GGNBP2: variants seen among roughly 807,000 people sequenced by gnomAD.
GGNBP2 encodes gametogenetin binding protein 2.
A neutral mutation model predicts 85.9 loss-of-function variants in GGNBP2; 10 were observed. That is an observed-to-expected ratio of 0.12 (90% CI 0.07 to 0.20). The LOEUF is 0.20. GGNBP2 is among the 10% of genes least tolerant of loss of function. The pLI is 1.00. For synonymous variants in GGNBP2, 287 were observed against 285.7 expected, an observed-to-expected ratio of 1.00 and a Z score of -0.05; for missense variants, 595 against 857.8, an observed-to-expected ratio of 0.69 and a Z score of 3.83.
intron 9 of GGNBP2, 45 bp downstream of exon 9, chr17:36,581,583 G>C (rs752925804): frequency 2.1e-6 from 3 of 1,412,428 alleles, no homozygotes; most frequent in Non-Finnish European, 2.9e-6. Flanking sequence ...TGTATTGCTT[G>C]TAGATAGAAG....
chr17:36,577,140 T>C (rs2074599381), intron 6 of GGNBP2: 1 of 152,176 alleles, frequency 6.6e-6, no homozygotes, highest in Admixed American at 6.5e-5. Flanking sequence ...TTCTTAGCCA[T>C]TTACTCTTAT....
intron 6 of GGNBP2, among the ~76,000 whole-genome samples, chr17:36,575,644 A>ATTTTTT (rs1195389811): frequency 1.5e-4 from 8 of 52,488 alleles, no homozygotes; most frequent in East Asian, 1.4e-3. Flanking sequence ...ATATATATAT[A>ATTTTTT]TATATTTTTT....
chr17:36,574,756 G>A (rs1310771332), intron 6 of GGNBP2: 1 of 629,722 alleles, frequency 1.6e-6, no homozygotes, highest in African/African-American at 1.8e-5. Flanking sequence ...GCGTAGGGAT[G>A]AGGCGCACCA....
intron 13 of GGNBP2, among the ~76,000 whole-genome samples, chr17:36,588,281 G>A (rs2074722812): frequency 6.6e-6 from 1 of 152,008 alleles, no homozygotes; most frequent in Admixed American, 6.6e-5. Context: ...TTTTTGAGGT[G>A]GAGTTTTGCT....
intron 9 of GGNBP2, 41 bp from the exon 10 acceptor site, chr17:36,585,259 G>A: frequency 6.4e-7 from 1 of 1,557,902 alleles, no homozygotes. Context: ...AGCTGTTATG[G>A]AGTAAAGCTC....
At chr17:36,545,193 A>C (rs2074237041) in intron 1 of GGNBP2, 96 bp downstream of exon 1, 1 of 153,630 alleles carries the variant, frequency 6.5e-6, no homozygotes, top group Non-Finnish European at 1.4e-5. Flanking sequence ...GGGCAACTGC[A>C]GTCCTGGGGC....
At chr17:36,589,136 T>C in intron 13 of GGNBP2, 72 bp from the exon 14 acceptor site, 1 of 1,064,288 alleles carries the variant, frequency 9.4e-7, no homozygotes, top group Non-Finnish European at 1.4e-6. Flanking sequence ...GTTTAATTTT[T>C]AGCTGTCCTC....
chr17:36,575,215 TCAGCCC>T, intron 6 of GGNBP2: 1 of 642,692 alleles, frequency 1.6e-6, no homozygotes, highest in Non-Finnish European at 2.8e-6. Context: ...AGCCGCGGCC[TCAGCCC>T]CAGCCCCGGC....
chr17:36,554,344 G>A (rs1485873581), intron 2 of GGNBP2, among the ~76,000 whole-genome samples: 2 of 93,006 alleles, frequency 2.2e-5, no homozygotes, highest in African/African-American at 8.5e-5. Context: ...CTTGTCTTAT[G>A]TACTTGAATT....
At chr17:36,586,234 T>C in intron 12 of GGNBP2, 36 bp downstream of exon 12, 1 of 1,594,638 alleles carries the variant, frequency 6.3e-7, no homozygotes, top group Non-Finnish European at 8.5e-7. Flanking sequence ...AAACCTTTGC[T>C]GTTGAGGACA....
intron 6 of GGNBP2, among the ~76,000 whole-genome samples, chr17:36,572,702 G>A (rs2074538435): frequency 6.6e-6 from 1 of 152,010 alleles, no homozygotes; most frequent in Non-Finnish European, 1.5e-5. Flanking sequence ...TCAAAAAACC[G>A]TGAAACATAA....
At chr17:36,551,122 G>A (rs1026609620) in intron 2 of GGNBP2, among the ~76,000 whole-genome samples, 2 of 152,030 alleles carry the variant, frequency 1.3e-5, no homozygotes, top group African/African-American at 4.8e-5. Flanking sequence ...AAATAGATTA[G>A]ATCTTAGTAT....
At chr17:36,552,075 A>G (rs1007441651) in intron 2 of GGNBP2, among the ~76,000 whole-genome samples, 6 of 152,202 alleles carry the variant, frequency 3.9e-5, no homozygotes, top group Non-Finnish European at 7.3e-5. Flanking sequence ...TATTACGGCT[A>G]TTGGTATGTG....
chr17:36,588,969 C>T (rs1055279394), intron 13 of GGNBP2, among the ~76,000 whole-genome samples: 1 of 152,138 alleles, frequency 6.6e-6, no homozygotes, highest in African/African-American at 2.4e-5. Flanking sequence ...TTGCTAGGCT[C>T]ATAGGCTTCT....
intron 6 of GGNBP2, chr17:36,576,830 ACT>A (rs200791844): frequency 6.6e-6 from 1 of 151,842 alleles, no homozygotes; most frequent in East Asian, 1.9e-4. Flanking sequence ...AGCCTGGGTG[ACT>A]CTGAATGGCT....
chr17:36,574,812 GC>G, intron 6 of GGNBP2: 1 of 671,114 alleles, frequency 1.5e-6, no homozygotes, highest in Non-Finnish European at 2.7e-6. Context: ...ATGGTGTGGG[GC>G]TTGCTGATCT....
Position 36,587,171 on chromosome 17 carries a change from C to A in GGNBP2, c.1816C>A (p.Gln606Lys). The A allele has an allele frequency of 6.2e-7, 1 of 1,614,116 alleles. No individual in the cohort carries two copies. The change falls in exon 13 of 14, where the codon CAG becomes AAG. Residue 606 changes from glutamine (Q) to lysine (K), a missense_variant. Physicochemically the swap from Gln to Lys is moderately conservative, Grantham distance 53 (BLOSUM62 1). This residue lies in a region of GGNBP2 where 120 missense variants were observed against 126.3 expected (regional missense o/e 0.95). Transcript: ENST00000613102. ...GTTTGAGCATAGGAAAAATGTACCA[C>A]AGTTTGCAGAACCTACAGAAACGTT... Reference protein sequence around the residue: ...PWFEHRKNVPQFAEPTETLFG... With the variant: ...PWFEHRKNVPKFAEPTETLFG...
chr17:36,589,450 G>T lies in GGNBP2; in HGVS notation c.*39G>T, dbSNP rs750431543. 8 of 1,464,110 alleles carry T rather than the reference G, an allele frequency of 5.5e-6. No homozygotes were observed. The highest frequency in any genetic ancestry group is 7.6e-6 in the Non-Finnish European group (8 of 1,048,804). 90.7% of individuals were successfully genotyped at this position (1,464,110 alleles called of 1,614,324 possible). A position where few individuals can be genotyped will look rare whatever the true frequency, so the allele number is the denominator to read the frequency against. ...CTCTGTCTTTCAATGAAACACTCAC[G>T]ATGACTACTGCGCCTTCTCTTTCGA... On this transcript the variant is annotated 3_prime_UTR_variant, in exon 14 of 14. Transcript: ENST00000613102.
At chr17:36,571,497 C>G (rs1284171089) in intron 6 of GGNBP2, among the ~76,000 whole-genome samples, 1 of 151,676 alleles carries the variant, frequency 6.6e-6, no homozygotes, top group East Asian at 1.9e-4. Context: ...TGCGGTGAGC[C>G]AAGATTACGC....
Sources: allele counts gnomAD v4.1 joint callset (sites outside exome capture counted in the v4.1 genomes callset), GRCh38; gene constraint gnomAD v4.1.1; regional missense constraint gnomAD v4.1.1; transcripts MANE v1.5; gene names NCBI Gene and HGNC (gene_info 2026-07-23, HGNC 2026-07-21).